Variants in EFCAB5 observed in about 807,000 individuals in gnomAD.
EFCAB5 encodes EF-hand calcium-binding domain-containing protein 5.
EFCAB5 carries 131 observed loss-of-function variants against 167.9 expected under a neutral mutation model. That is an observed-to-expected ratio of 0.78 (90% CI 0.68 to 0.90). The LOEUF (loss-of-function observed/expected upper bound fraction) is 0.90, where lower values mean the gene tolerates loss of function less well. Among genes scored for constraint, EFCAB5 ranks in the 40% least tolerant of loss-of-function variants. The pLI is 0.00. For missense variants in EFCAB5, 1,663 were observed against 1,745.2 expected (o/e 0.95, Z 0.84); for synonymous variants, 574 against 602.8 (o/e 0.95, Z 0.70).
chr17:30,031,371 G>A (rs2069475220), intron 7 of EFCAB5, among the ~76,000 whole-genome samples: 1 of 152,170 alleles, frequency 6.6e-6, no homozygotes, highest in African/African-American at 2.4e-5. Context: ...TGTTGGTCTA[G>A]GGATCACACT....
chr17:29,994,133 AATATAT>A (rs55875315), intron 5 of EFCAB5, among the ~76,000 whole-genome samples: 3,356 of 55,766 alleles, frequency 0.06, 91 homozygotes, highest in African/African-American at 0.079. Context: ...AACAACAACA[AATATAT>A]ATATATATAT....
At position 29,996,275 on chromosome 17, in the gene EFCAB5, T is replaced by C. The variant is rs368966144; in HGVS notation, c.925-37T>C. ...AATATGTGGTAACTGAGGAGTGGCA[T>C]ATGGTTTCTTTCTTTTTTTCCTCTT... On this transcript the variant is annotated intron_variant, in intron 5 of 22. Transcript: ENST00000394835. 6.6e-6 allele frequency: 10 copies of C among 1,504,254 alleles called. No individual in the cohort carries two copies. The African/African-American group carries it at 1.3e-4, about 19-fold the overall frequency. The allele number at this position is 1,504,254 out of a possible 1,614,324, so 93.2% of individuals were successfully genotyped here. A position where few individuals can be genotyped will look rare whatever the true frequency, so the allele number is the denominator to read the frequency against.
chr17:30,028,306 A>C (rs995384627), intron 7 of EFCAB5, among the ~76,000 whole-genome samples: 10 of 152,148 alleles, frequency 6.6e-5, no homozygotes, highest in Admixed American at 5.9e-4. Flanking sequence ...TACTCTAATA[A>C]ATCCAGGCTG....
At chr17:30,076,326 T>C (rs1189755692) in intron 14 of EFCAB5, among the ~76,000 whole-genome samples, 1 of 152,262 alleles carries the variant, frequency 6.6e-6, no homozygotes, top group Non-Finnish European at 1.5e-5. Flanking sequence ...AGGAATAGAA[T>C]GTCATGACTG....
At chr17:30,068,778 C>T in intron 14 of EFCAB5, 1 of 1,359,138 alleles carries the variant, frequency 7.4e-7, no homozygotes, top group Non-Finnish European at 1.1e-6. Context: ...GCAACTTCTC[C>T]AGCCGGGCCC....
chr17:29,968,584 T>C (rs1188001321), intron 3 of EFCAB5, among the ~76,000 whole-genome samples: 2 of 152,316 alleles, frequency 1.3e-5, no homozygotes, highest in African/African-American at 4.8e-5. Context: ...ATGAAATCAC[T>C]GAACTGCTAA....
intron 7 of EFCAB5, among the ~76,000 whole-genome samples, chr17:30,028,686 C>A (rs2151726580): frequency 6.6e-6 from 1 of 152,304 alleles, no homozygotes; most frequent in East Asian, 1.9e-4. Flanking sequence ...CAAAGTACCA[C>A]AGATTGAGAG....
At chr17:29,999,454 G>C (rs938154031) in intron 6 of EFCAB5, among the ~76,000 whole-genome samples, 1 of 152,000 alleles carries the variant, frequency 6.6e-6, no homozygotes, top group African/African-American at 2.4e-5. Context: ...TTCATGTTTT[G>C]TTGCTTATAT....
intron 14 of EFCAB5, among the ~76,000 whole-genome samples, chr17:30,077,070 G>T (rs1353282508): frequency 6.6e-6 from 1 of 152,228 alleles, no homozygotes; most frequent in East Asian, 1.9e-4. Context: ...GGGACGCTGA[G>T]GTGGGCAGAT....
intron 6 of EFCAB5, among the ~76,000 whole-genome samples, chr17:29,996,969 G>A (rs923608754): frequency 6.6e-6 from 1 of 152,162 alleles, no homozygotes; most frequent in Non-Finnish European, 1.5e-5. Flanking sequence ...TCAGAGGCCG[G>A]GCACAGTGGC....
At chr17:29,959,804 G>C (rs916668706) in intron 3 of EFCAB5, among the ~76,000 whole-genome samples, 1 of 152,094 alleles carries the variant, frequency 6.6e-6, no homozygotes, top group Non-Finnish European at 1.5e-5. Flanking sequence ...TGGGGGAGGG[G>C]TGACACAACC....
At chr17:30,027,003 T>G (rs2069343454) in intron 7 of EFCAB5, among the ~76,000 whole-genome samples, 1 of 97,108 alleles carries the variant, frequency 1.0e-5, no homozygotes, top group Non-Finnish European at 2.0e-5. Context: ...TTTTTTTTTT[T>G]TGAGATGGAG....
intron 15 of EFCAB5, among the ~76,000 whole-genome samples, chr17:30,079,623 T>C (rs1339741127): frequency 6.6e-6 from 1 of 152,138 alleles, no homozygotes; most frequent in Non-Finnish European, 1.5e-5. Flanking sequence ...GTGTTAAGAG[T>C]TCCTCGAGAG....
chr17:29,936,638 G>A (rs1326766607), upstream of EFCAB5, among the ~76,000 whole-genome samples: 1 of 152,184 alleles, frequency 6.6e-6, no homozygotes, highest in African/African-American at 2.4e-5. Flanking sequence ...AAAAATGGGT[G>A]AATTTGGAGA....
At chr17:30,099,932 T>A (rs2071359139) in intron 22 of EFCAB5, among the ~76,000 whole-genome samples, 1 of 152,108 alleles carries the variant, frequency 6.6e-6, no homozygotes, top group Non-Finnish European at 1.5e-5. Context: ...CCCTGCCCTC[T>A]TTTTTCTGTA....
In EFCAB5 at chr17:29,969,307, G is replaced by C. The variant is rs749481077; in HGVS notation, c.707G>C (p.Arg236Thr). 1.2e-6 allele frequency: 2 copies of C among 1,611,912 alleles called. No individual in the cohort carries two copies. The highest frequency in any genetic ancestry group is 4.5e-5 in the East Asian group (2 of 44,836). Residue 236 changes from arginine to threonine, a missense_variant, in exon 4 of 23, where the codon AGG (arginine) becomes ACG (threonine). Physicochemically the swap from Arg to Thr is moderately conservative, Grantham distance 71. Coordinates refer to ENST00000394835, the MANE Select transcript of EFCAB5 (RefSeq NM_198529.4). The part of the protein sequence containing the change: ...IKDPGMSGYQ[R>T]LMKEVTEDLK... ...GACCCAGGAATGTCTGGTTACCAGA[G>C]GTTGATGAAAGAAGTCACAGAAGAC...
At chr17:29,996,419 C>T (rs532607280) in intron 6 of EFCAB5, 59 bp downstream of exon 6, 9 of 1,390,842 alleles carry the variant, frequency 6.5e-6, no homozygotes, top group Middle Eastern at 2.1e-4. Flanking sequence ...GTGGGGGACA[C>T]TGAATTCAGA....
At chr17:30,058,178 A>G (rs1252390930) in intron 13 of EFCAB5, among the ~76,000 whole-genome samples, 1 of 152,186 alleles carries the variant, frequency 6.6e-6, no homozygotes, top group Non-Finnish European at 1.5e-5. Context: ...ATATGGATAT[A>G]TGCAAAGATG....
chr17:29,949,358 A>T (rs2151531516), intron 3 of EFCAB5, among the ~76,000 whole-genome samples: 1 of 152,352 alleles, frequency 6.6e-6, no homozygotes, highest in Non-Finnish European at 1.5e-5. Flanking sequence ...TTATATTAGA[A>T]GGTAGACCAC....
Sources: allele counts gnomAD v4.1 joint callset (sites outside exome capture counted in the v4.1 genomes callset), GRCh38; gene constraint gnomAD v4.1.1; transcripts MANE v1.5; gene names NCBI Gene and HGNC (gene_info 2026-07-23, HGNC 2026-07-21).